CYTH1: variants seen among roughly 807,000 people sequenced by gnomAD.
CYTH1 encodes cytohesin-1.
A neutral mutation model predicts 61.8 loss-of-function variants in CYTH1; 18 were observed. The observed-to-expected ratio is 0.29, with a 90% CI of 0.20 to 0.43. The LOEUF is 0.43. CYTH1 is among the 20% of genes least tolerant of loss of function. CYTH1 has a pLI of 1.00. For synonymous variants in CYTH1, 174 were observed against 184.3 expected (o/e 0.94, Z 0.45); for missense variants, 336 against 510.5 (o/e 0.66, Z 3.29).
chr17:78,711,971 C>T (rs1030281781), intron 1 of CYTH1, among the ~76,000 whole-genome samples: 2 of 151,616 alleles, frequency 1.3e-5, no homozygotes, highest in Admixed American at 1.3e-4. Context: ...TCCAGCTACT[C>T]GGGGGGCTGA....
At chr17:78,740,397 A>G (rs1016837547) in intron 1 of CYTH1, among the ~76,000 whole-genome samples, 1 of 152,116 alleles carries the variant, frequency 6.6e-6, no homozygotes, top group Non-Finnish European at 1.5e-5. Flanking sequence ...CCACTATTCA[A>G]TGCCTCATTC....
chr17:78,684,670 G>A (rs2092798060), intron 11 of CYTH1, among the ~76,000 whole-genome samples: 1 of 152,182 alleles, frequency 6.6e-6, no homozygotes, highest in Admixed American at 6.5e-5. Flanking sequence ...CTGACATTAG[G>A]TGAAGATATT....
At chr17:78,740,524 C>T (rs1184796924) in intron 1 of CYTH1, among the ~76,000 whole-genome samples, 29 of 152,218 alleles carry the variant, frequency 1.9e-4, no homozygotes. Flanking sequence ...GGCAGCGTCC[C>T]TTAAAGCTGG....
intron 1 of CYTH1, among the ~76,000 whole-genome samples, chr17:78,740,580 A>C (rs2093338426): frequency 6.6e-6 from 1 of 152,222 alleles, no homozygotes; most frequent in Non-Finnish European, 1.5e-5. Flanking sequence ...TGTCATCTCT[A>C]GTACAACAAT....
At position 78,711,186 on chromosome 17, in the gene CYTH1, C is replaced by T. The variant is rs1290200083; in HGVS notation, c.23-1454G>A. On this transcript the variant is annotated intron_variant, in intron 1 of 13. Coordinates refer to ENST00000446868, the MANE Select transcript of CYTH1 (RefSeq NM_004762.6). ...CTGAGGCAGGAGAATGGCGTAAACC[C>T]GGGAGGTGGAGGTTGCAGTGAGCCG... Among the ~76,000 whole-genome samples the T allele has an allele frequency of 5.9e-5, 9 of 151,546 alleles. No homozygotes were observed. The South Asian group carries it at 1.0e-3, about 18-fold the overall frequency.
chr17:78,731,832 A>G (rs1027766983), intron 1 of CYTH1, among the ~76,000 whole-genome samples: 4 of 152,194 alleles, frequency 2.6e-5, no homozygotes, highest in Non-Finnish European at 2.9e-5. Flanking sequence ...AAAGGCAGAG[A>G]CAAGAACACT....
In CYTH1 at chr17:78,708,211, T is replaced by A. The variant is rs1404553795; in HGVS notation, c.156A>T (p.Gly52=). The stretch of plus-strand genomic sequence containing the variant: ...GGCAGACTCACCTTTCCTCTGTGGA[T>A]CCCAGGTTTTCAATTTCATTAGCTA... ...AEVANEIENL[G]STEERKNMQR... The change falls in exon 3 of 14, where the codon GGA becomes GGT. Residue 52 remains glycine (G), a synonymous_variant. Coordinates refer to ENST00000446868, the MANE Select transcript of CYTH1 (RefSeq NM_004762.6). 1.2e-5 allele frequency: 19 copies of A among 1,613,712 alleles called. No homozygotes were observed. Among genetic ancestry groups the A allele is most frequent in the Non-Finnish European group, 1.5e-5 (18 of 1,179,928 alleles).
intron 1 of CYTH1, among the ~76,000 whole-genome samples, chr17:78,711,243 C>T (rs1036441688): frequency 2.7e-5 from 4 of 149,840 alleles, no homozygotes; most frequent in African/African-American, 9.9e-5. Flanking sequence ...GCCTGGGAGA[C>T]AGTACAAGAC....
At chr17:78,755,677 C>T (rs952451961) in intron 1 of CYTH1, among the ~76,000 whole-genome samples, 3 of 151,836 alleles carry the variant, frequency 2.0e-5, no homozygotes, top group Admixed American at 6.6e-5. Context: ...CGGCCAGGCT[C>T]GGTGGCAGCA....
intron 8 of CYTH1, among the ~76,000 whole-genome samples, 167 bp downstream of exon 8, chr17:78,698,653 C>T (rs2092972723): frequency 6.6e-6 from 1 of 152,194 alleles, no homozygotes; most frequent in African/African-American, 2.4e-5. Context: ...CCCTGATTCC[C>T]TAGCTGGGCC....
At chr17:78,684,939 G>A (rs139496996) in intron 11 of CYTH1, among the ~76,000 whole-genome samples, 340 of 152,240 alleles carry the variant, frequency 2.2e-3, no homozygotes, top group African/African-American at 7.7e-3. Flanking sequence ...GGTGGCTCAC[G>A]CCTGTAATCC....
chr17:78,737,199 G>A (rs536706716), intron 1 of CYTH1, among the ~76,000 whole-genome samples: 49 of 152,204 alleles, frequency 3.2e-4, no homozygotes, highest in Non-Finnish European at 6.9e-4. Flanking sequence ...CAAAACCCAC[G>A]GATGCTTGAG....
chr17:78,738,626 TA>T (rs139579890), intron 1 of CYTH1, among the ~76,000 whole-genome samples: 5,515 of 145,040 alleles, frequency 0.038, 233 homozygotes, highest in African/African-American at 0.11. Flanking sequence ...TGCATATATT[TA>T]AAAAAAAAAA....
At chr17:78,743,380 G>A (rs544733673) in intron 1 of CYTH1, among the ~76,000 whole-genome samples, 5 of 152,054 alleles carry the variant, frequency 3.3e-5, no homozygotes, top group African/African-American at 9.7e-5. Flanking sequence ...CTTCGCTCCC[G>A]TGTCATGGCC....
At chr17:78,710,984 C>G (rs139472717) in intron 1 of CYTH1, among the ~76,000 whole-genome samples, 1 of 152,064 alleles carries the variant, frequency 6.6e-6, no homozygotes, top group East Asian at 1.9e-4. Context: ...ACACCGAGGC[C>G]GGGCACAGTG....
intron 1 of CYTH1, among the ~76,000 whole-genome samples, chr17:78,761,957 G>A (rs1029968215): frequency 6.6e-6 from 1 of 152,144 alleles, no homozygotes; most frequent in African/African-American, 2.4e-5. Flanking sequence ...TAACATAAAC[G>A]TTTGAAAGAG....
At position 78,771,397 on chromosome 17, in the gene CYTH1, G is replaced by A. The variant is rs373150291; in HGVS notation, c.22+10805C>T. ...AGAGGTTGCAGTGAGCCAAGATCAC[G>A]CCACTGCCCTCCAACCTGGACGACA... On this transcript the variant is annotated intron_variant, in intron 1 of 13. Coordinates refer to ENST00000446868, the MANE Select transcript of CYTH1 (RefSeq NM_004762.6). 1.4e-4 allele frequency among the ~76,000 whole-genome samples: 21 copies of A among 152,178 alleles called. No homozygotes were observed. The East Asian group carries it at 2.3e-3, about 17-fold the overall frequency.
intron 1 of CYTH1, among the ~76,000 whole-genome samples, chr17:78,710,243 T>A (rs560858751): frequency 1.3e-5 from 2 of 152,296 alleles, no homozygotes; most frequent in East Asian, 3.9e-4. Flanking sequence ...AGAGACTATG[T>A]ATGCACTGAG....
intron 1 of CYTH1, among the ~76,000 whole-genome samples, chr17:78,773,514 C>T (rs1340798255): frequency 1.3e-5 from 2 of 151,508 alleles, no homozygotes; most frequent in Admixed American, 1.3e-4. Flanking sequence ...CCTGTAATTC[C>T]GCTACTCAGG....
Sources: gnomAD v4.1 joint callset for allele counts (sites outside exome capture counted in the v4.1 genomes callset) on GRCh38, gnomAD v4.1.1 for gene constraint, MANE v1.5 for transcripts, NCBI Gene and HGNC (gene_info 2026-07-23, HGNC 2026-07-21) for gene names.